Variants in SNX29 observed in about 807,000 individuals in gnomAD.
SNX29 encodes the protein sorting nexin-29.
A neutral mutation model predicts 102.1 loss-of-function variants in SNX29; 78 were observed. The ratio of observed to expected loss-of-function variants is 0.76; its 90% CI spans 0.64 to 0.92. The LOEUF is 0.92. Ranked by LOEUF, SNX29 falls within the 40% of genes least tolerant of loss-of-function variation. The pLI is 0.00. For synonymous variants in SNX29, 580 were observed against 414.5 expected (o/e 1.40, Z -4.85); for missense variants, 1,280 against 1,061.7 (o/e 1.21, Z -2.86).
intron 13 of SNX29, among the ~76,000 whole-genome samples, chr16:12,194,907 A>G (rs924626230): frequency 2.6e-5 from 4 of 152,178 alleles, no homozygotes; most frequent in African/African-American, 9.7e-5. Context: ...GATTACAGGC[A>G]TGAGCCACTG....
intron 20 of SNX29, among the ~76,000 whole-genome samples, chr16:12,553,469 C>T (rs1241307244): frequency 3.3e-5 from 5 of 152,274 alleles, no homozygotes; most frequent in African/African-American, 1.2e-4. Flanking sequence ...CTCAGACCAG[C>T]CCCAGCTGCT....
intron 14 of SNX29, among the ~76,000 whole-genome samples, chr16:12,251,461 G>A (rs1203663357): frequency 1.3e-5 from 2 of 152,132 alleles, no homozygotes; most frequent in Non-Finnish European, 2.9e-5. Flanking sequence ...CCAACACTTT[G>A]GGGGGCCAAG....
At chr16:12,106,910 G>T (rs2074311215) in intron 11 of SNX29, among the ~76,000 whole-genome samples, 1 of 151,952 alleles carries the variant, frequency 6.6e-6, no homozygotes, top group African/African-American at 2.4e-5. Context: ...TGTACTCCTG[G>T]ACTCAAGCAG....
At chr16:12,012,184 T>C (rs953935709) in intron 3 of SNX29, among the ~76,000 whole-genome samples, 2 of 152,062 alleles carry the variant, frequency 1.3e-5, no homozygotes, top group African/African-American at 4.8e-5. Flanking sequence ...TAATAAATAT[T>C]AGTTGTCATA....
intron 14 of SNX29, among the ~76,000 whole-genome samples, chr16:12,207,366 C>CAAAAA (rs1220368597): frequency 6.6e-6 from 1 of 151,994 alleles, no homozygotes; most frequent in Non-Finnish European, 1.5e-5. Context: ...GAAACTTTGT[C>CAAAAA]AAAAAATAAA....
chr16:12,062,274 G>T (rs959918379), intron 9 of SNX29, among the ~76,000 whole-genome samples: 4 of 151,522 alleles, frequency 2.6e-5, no homozygotes, highest in African/African-American at 9.7e-5. Context: ...AGCTACTCAC[G>T]AGGCTGAGGC....
At chr16:12,522,798 A>G (rs916230411) in intron 19 of SNX29, among the ~76,000 whole-genome samples, 4 of 152,158 alleles carry the variant, frequency 2.6e-5, no homozygotes, top group Admixed American at 2.6e-4. Context: ...AGTCTCAGGT[A>G]GTTCCTTATA....
intron 15 of SNX29, among the ~76,000 whole-genome samples, chr16:12,278,450 G>T (rs1368520264): frequency 6.6e-6 from 1 of 151,766 alleles, no homozygotes; most frequent in Admixed American, 6.6e-5. Flanking sequence ...TGGTCGAAGG[G>T]ACCCCCTCAC....
intron 18 of SNX29, among the ~76,000 whole-genome samples, chr16:12,425,603 C>G (rs2085041594): frequency 6.7e-6 from 1 of 148,590 alleles, no homozygotes. Context: ...AGAGAAGAGG[C>G]AGATAGAGAC....
chr16:12,215,478 AAGTG>A (rs2077299134), intron 14 of SNX29, among the ~76,000 whole-genome samples: 1 of 152,084 alleles, frequency 6.6e-6, no homozygotes, highest in South Asian at 2.1e-4. Flanking sequence ...CCTGATACAG[AAGTG>A]AGTAATACTC....
At chr16:12,466,747 G>T (rs1395717710) in intron 18 of SNX29, among the ~76,000 whole-genome samples, 1 of 152,152 alleles carries the variant, frequency 6.6e-6, no homozygotes, top group Non-Finnish European at 1.5e-5. Flanking sequence ...GTTGGCAGCA[G>T]TTGGGACTGA....
At chr16:12,062,834 G>A (rs751385629) in intron 9 of SNX29, among the ~76,000 whole-genome samples, 10 of 152,164 alleles carry the variant, frequency 6.6e-5, no homozygotes, top group Non-Finnish European at 1.5e-4. Context: ...AAGCACAGAG[G>A]CAGGGCGGGG....
chr16:12,353,671 C>G (rs1357882769), intron 15 of SNX29, among the ~76,000 whole-genome samples: 3 of 152,182 alleles, frequency 2.0e-5, no homozygotes, highest in African/African-American at 2.4e-5. Flanking sequence ...TTCCTTGTCT[C>G]CAGGGTGACC....
chr16:12,048,620 G>C lies in SNX29; in HGVS notation c.748G>C (p.Asp250His), dbSNP rs767072860. 1.9e-6 allele frequency: 3 copies of C among 1,613,948 alleles called. No homozygotes were observed. Reference sequence around the variant, plus strand: ...TGTCGTGTCCAGGAATGTCAGTGCTGGTGAGTGGGAACGGGTGCTCGAGGC... The same window carrying C: ...TGTCGTGTCCAGGAATGTCAGTGCTCGTGAGTGGGAACGGGTGCTCGAGGC... Reference protein sequence around the residue: ...LPVVSRNVSADAKCKKERKKK... With the variant: ...LPVVSRNVSAHAKCKKERKKK... The change falls in exon 7 of 21, where the codon GAT becomes CAT. Residue 250 changes from aspartate (D) to histidine (H), a missense_variant and splice_region_variant. By Grantham distance (81) the Asp-to-His change is moderately conservative (BLOSUM62 -1). Coordinates refer to ENST00000566228, the MANE Select transcript of SNX29 (RefSeq NM_032167.5).
chr16:12,504,254 T>C (rs1357695035), intron 19 of SNX29, among the ~76,000 whole-genome samples: 1 of 152,230 alleles, frequency 6.6e-6, no homozygotes, highest in Admixed American at 6.5e-5. Context: ...AAAGATATAA[T>C]TCATGTACCA....
chr16:12,352,201 T>A (rs1395716507), intron 15 of SNX29, among the ~76,000 whole-genome samples: 2 of 152,104 alleles, frequency 1.3e-5, no homozygotes, highest in Non-Finnish European at 2.9e-5. Flanking sequence ...AAATGATGAG[T>A]TCATGTCCTT....
chr16:12,527,073 C>A, intron 20 of SNX29: 1 of 435,530 alleles, frequency 2.3e-6, no homozygotes, highest in South Asian at 2.1e-5. Context: ...TGGTCTAGAC[C>A]CCAGTTGAAA....
At chr16:12,313,719 T>G (rs768904963) in intron 15 of SNX29, among the ~76,000 whole-genome samples, 3 of 152,242 alleles carry the variant, frequency 2.0e-5, no homozygotes, top group Non-Finnish European at 4.4e-5. Context: ...CCCCCACACC[T>G]CACCCCATGC....
chr16:12,271,138 C>T (rs563966887), intron 14 of SNX29, among the ~76,000 whole-genome samples: 10 of 152,256 alleles, frequency 6.6e-5, no homozygotes, highest in South Asian at 2.1e-4. Context: ...CAAATTACCT[C>T]ACAGTTAGAT....
Sources: allele counts gnomAD v4.1 joint callset (sites outside exome capture counted in the v4.1 genomes callset), GRCh38; gene constraint gnomAD v4.1.1; transcripts MANE v1.5; gene names NCBI Gene and HGNC (gene_info 2026-07-23, HGNC 2026-07-21).